Variants in PEX11G observed in about 807,000 individuals in gnomAD.
The protein encoded by PEX11G is peroxisomal membrane protein 11C.
PEX11G carries 20 observed loss-of-function variants against 22.5 expected under a neutral mutation model. The ratio of observed to expected loss-of-function variants is 0.89; its 90% CI spans 0.62 to 1.29. PEX11G has a LOEUF of 1.29. PEX11G is among the 50% of genes most tolerant of loss of function. The pLI is 0.00. For missense variants in PEX11G, 347 were observed against 331.3 expected (o/e 1.05, Z -0.37); for synonymous variants, 141 against 154.5 (o/e 0.91, Z 0.65).
At chr19:7,491,379 C>T (rs939704996), upstream of PEX11G, among the ~76,000 whole-genome samples, 6 of 150,336 alleles carry the variant, frequency 4.0e-5, no homozygotes, top group Admixed American at 1.3e-4. Flanking sequence ...AAGCAATTCT[C>T]CTGCCTCGGC....
intron 2 of PEX11G, among the ~76,000 whole-genome samples, chr19:7,483,908 G>A (rs1426697729): frequency 8.5e-5 from 13 of 152,220 alleles, no homozygotes; most frequent in African/African-American, 2.4e-4. Context: ...GTGGGACGCC[G>A]CAGGGACAAG....
chr19:7,489,267 T>C (rs559923375), upstream of PEX11G: 857 of 1,248,924 alleles, frequency 6.9e-4, 3 homozygotes, highest in South Asian at 0.011. Context: ...TTTGGCCAAC[T>C]ACCCACGCAC....
At chr19:7,490,383 C>T (rs1272473681), upstream of PEX11G, among the ~76,000 whole-genome samples, 1 of 151,674 alleles carries the variant, frequency 6.6e-6, no homozygotes, top group Non-Finnish European at 1.5e-5. Flanking sequence ...TGCAGTGGCA[C>T]GATCTCGGCT....
rs765122540 is a variant in PEX11G, at chr19:7,486,055, G to A, written c.61-29C>T. On this transcript the variant is annotated intron_variant, in intron 1 of 4. Coordinates refer to ENST00000221480, the MANE Select transcript of PEX11G (RefSeq NM_080662.4). ...TGGGAAACCAGAAGCAGTCAGTGTGGCCCTCCTGTTCTGCAGAACTGAGCT... is the reference window on the plus strand; with the variant it reads ...TGGGAAACCAGAAGCAGTCAGTGTGACCCTCCTGTTCTGCAGAACTGAGCT... The A allele has an allele frequency of 2.0e-5, 31 of 1,560,270 alleles. 1 individual carries two copies. Among genetic ancestry groups the A allele is most frequent in the Admixed American group, 3.4e-5 (2 of 58,266 alleles).
chr19:7,478,637 A>C (rs1019754183), intron 3 of PEX11G, among the ~76,000 whole-genome samples: 5 of 152,130 alleles, frequency 3.3e-5, no homozygotes, highest in Admixed American at 6.5e-5. Flanking sequence ...AGCCTCTGCA[A>C]ACCACTGGCA....
rs757487438 is a variant in PEX11G at position 7,477,305 on chromosome 19, C to T, written c.623G>A (p.Arg208His). ...WLPRGVLWAGRFPPWLVGLMG... is the reference protein window; with the variant it reads ...WLPRGVLWAGHFPPWLVGLMG... ...GAGGCCCACTAGCCACGGCGGGAAG[C>T]GGCCGGCCCACAGCACGCCCCGGGG... The change falls in exon 5 of 5, where the codon CGC becomes CAC. Residue 208 changes from arginine (R) to histidine (H), a missense_variant. By Grantham distance (29) the Arg-to-His change is conservative. Coordinates refer to ENST00000221480, the MANE Select transcript of PEX11G (RefSeq NM_080662.4). The T allele has an allele frequency of 1.6e-5, 25 of 1,565,226 alleles. No homozygotes were observed. The South Asian group carries it at 2.2e-4, about 14-fold the overall frequency.
chr19:7,484,494 C>T (rs1008786254), intron 2 of PEX11G, among the ~76,000 whole-genome samples: 6 of 151,946 alleles, frequency 3.9e-5, no homozygotes, highest in East Asian at 1.9e-4. Context: ...ACCACAGGGC[C>T]GGGCACGGTG....
At position 7,485,850 on chromosome 19, in the gene PEX11G, G is replaced by A. The variant is rs1254430621; in HGVS notation, c.237C>T (p.Gly79=). ...LAMFVYTKQY[G]LGAQEEDAFV... is the part of the protein sequence containing the mutation. ...CAAACCCTGTTACCTGTGCCCCCAG[G>A]CCATATTGCTTAGTGTAGACAAACA... The change falls in exon 2 of 5, where the codon GGC becomes GGT. Residue 79 remains glycine (G), a synonymous_variant. Transcript: ENST00000221480. 1 of 1,601,926 alleles carries A rather than the reference G, an allele frequency of 6.2e-7. No homozygotes were observed.
At chr19:7,488,814 C>T (rs921561989) in intron 1 of PEX11G, 137 bp downstream of exon 1, 17 of 861,570 alleles carry the variant, frequency 2.0e-5, no homozygotes, top group Non-Finnish European at 3.0e-5. Context: ...GCTAGGGCAC[C>T]GCATTTGAGC....
Position 7,477,262 on chromosome 19 carries a change from T to G in PEX11G, c.666A>C (p.Ser222=), listed in dbSNP as rs1300710549. 3 of 1,584,358 alleles carry G rather than the reference T, an allele frequency of 1.9e-6. No homozygotes were observed. Among genetic ancestry groups the G allele is most frequent in the Non-Finnish European group, 2.6e-6 (3 of 1,167,738 alleles). The stretch of plus-strand genomic sequence containing the variant: ...GGGCCGCCTGGTACATGCTGAGGAT[T>G]GAGGAGATGGTGCCCATGAGGCCCA... ...WLVGLMGTIS[S]ILSMYQAARA... Residue 222 remains serine (S), a synonymous_variant, in exon 5 of 5, where the codon TCA becomes TCC. Transcript: ENST00000221480.
rs143467093 is a variant in PEX11G at position 7,484,934 on chromosome 19, T to A, written c.249+904A>T. Among the ~76,000 whole-genome samples the A allele has an allele frequency of 8.0e-3, 1,218 of 152,278 alleles. 21 individuals are homozygous for A. Among genetic ancestry groups the A allele is most frequent in the South Asian group, 0.056 (270 of 4,828 alleles). The stretch of plus-strand genomic sequence containing the variant: ...TTTAAATCAAAATGAGAACATCTGA[T>A]CCTCTCAAAGAAGAAAGTGAAATTT... On this transcript the variant is annotated intron_variant, in intron 2 of 4. Transcript: ENST00000221480.
intron 2 of PEX11G, 111 bp from the exon 3 acceptor site, chr19:7,482,322 C>CA: frequency 7.8e-7 from 1 of 1,283,520 alleles, no homozygotes; most frequent in Non-Finnish European, 1.0e-6. Flanking sequence ...AGTCCCTGGG[C>CA]CGTGTCCAGG....
intron 2 of PEX11G, among the ~76,000 whole-genome samples, chr19:7,485,174 G>T (rs10413565): frequency 0.35 from 52,029 of 150,166 alleles, 9,618 homozygotes; most frequent in African/African-American, 0.49. Context: ...AATTTTTTTT[G>T]TTTGTTTTAT....
At chr19:7,481,637 T>C (rs1383315947) in intron 3 of PEX11G, among the ~76,000 whole-genome samples, 1 of 152,028 alleles carries the variant, frequency 6.6e-6, no homozygotes, top group Non-Finnish European at 1.5e-5. Context: ...GCAGAGGTCA[T>C]GCTTGGAAGA....
chr19:7,486,183 G>A (rs142580826), intron 1 of PEX11G, among the ~76,000 whole-genome samples, 157 bp from the exon 2 acceptor site: 255 of 152,270 alleles, frequency 1.7e-3, no homozygotes, highest in African/African-American at 5.9e-3. Flanking sequence ...CTGGAGTGCA[G>A]TGGCACGATC....
intron 1 of PEX11G, among the ~76,000 whole-genome samples, chr19:7,487,515 C>G (rs1283283153): frequency 6.6e-6 from 1 of 152,144 alleles, no homozygotes. Flanking sequence ...CTCTGCATCC[C>G]AGGTTCAAGC....
At chr19:7,485,817 G>C (rs749281765) in intron 2 of PEX11G, 21 bp downstream of exon 2, 58 of 1,577,964 alleles carry the variant, frequency 3.7e-5, no homozygotes, top group Non-Finnish European at 4.8e-5. Flanking sequence ...CTACTCCCTA[G>C]AGCCCCACAA....
At chr19:7,486,748 C>T (rs1384541733) in intron 1 of PEX11G, among the ~76,000 whole-genome samples, 4 of 151,308 alleles carry the variant, frequency 2.6e-5, no homozygotes, top group East Asian at 2.0e-4. Context: ...TACAGGCACC[C>T]GCCACCAAGC....
intron 1 of PEX11G, 64 bp from the exon 2 acceptor site, chr19:7,486,090 C>T: frequency 1.4e-6 from 2 of 1,422,836 alleles, no homozygotes; most frequent in Non-Finnish European, 1.9e-6. Context: ...TGCATCCCCC[C>T]ATACCTGGCC....
Sources: allele counts gnomAD v4.1 joint callset (sites outside exome capture counted in the v4.1 genomes callset), GRCh38; gene constraint gnomAD v4.1.1; transcripts MANE v1.5; gene names NCBI Gene and HGNC (gene_info 2026-07-23, HGNC 2026-07-21).